Variants in FHOD3 observed in about 807,000 individuals in gnomAD.
FHOD3 encodes the protein FH1/FH2 domain-containing protein 3.
In FHOD3, 90 loss-of-function variants were observed where a neutral mutation model predicts 173.0. The ratio of observed to expected loss-of-function variants is 0.52; its 90% confidence interval spans 0.44 to 0.62. The LOEUF (loss-of-function observed/expected upper bound fraction) is 0.62. Ranked by LOEUF, FHOD3 falls within the 20% of genes least tolerant of loss-of-function variation. The pLI is 0.00. For missense variants in FHOD3, 1,945 were observed against 2,034.7 expected (o/e 0.96, Z 0.85); for synonymous variants, 828 against 823.0 (o/e 1.01, Z -0.10).
intron 3 of FHOD3, among the ~76,000 whole-genome samples, chr18:36,402,163 C>T (rs1329991438): frequency 6.6e-6 from 1 of 152,194 alleles, no homozygotes; most frequent in African/African-American, 2.4e-5. Flanking sequence ...AGTACTGAGT[C>T]GGCTGGGCGT....
intron 24 of FHOD3, among the ~76,000 whole-genome samples, chr18:36,753,870 A>C (rs1261104347): frequency 2.0e-5 from 3 of 152,144 alleles, no homozygotes; most frequent in Non-Finnish European, 4.4e-5. Flanking sequence ...TGTCTATTCA[A>C]ATCCTTTGTC....
chr18:36,507,277 T>C (rs1485085431), intron 4 of FHOD3, among the ~76,000 whole-genome samples: 1 of 152,266 alleles, frequency 6.6e-6, no homozygotes, highest in Admixed American at 6.5e-5. Flanking sequence ...ACACAAACTT[T>C]GTTTCTAGCA....
chr18:36,580,181 A>G (rs2058795943), intron 6 of FHOD3, among the ~76,000 whole-genome samples: 1 of 152,222 alleles, frequency 6.6e-6, no homozygotes, highest in African/African-American at 2.4e-5. Context: ...CCCATCCTAC[A>G]CGGTGCACTC....
chr18:36,469,182 C>T (rs1052171800), intron 3 of FHOD3, among the ~76,000 whole-genome samples: 6 of 152,146 alleles, frequency 3.9e-5, no homozygotes, highest in Admixed American at 6.5e-5. Context: ...ACCCCAGCCC[C>T]CATCCTATCA....
chr18:36,523,870 A>T (rs916469354), intron 5 of FHOD3, among the ~76,000 whole-genome samples: 1 of 152,212 alleles, frequency 6.6e-6, no homozygotes, highest in Admixed American at 6.5e-5. Context: ...TAGGATTCCC[A>T]GGCTGTTACC....
chr18:36,431,041 A>G (rs1209922204), intron 3 of FHOD3, among the ~76,000 whole-genome samples: 1 of 152,358 alleles, frequency 6.6e-6, no homozygotes, highest in Non-Finnish European at 1.5e-5. Flanking sequence ...AATAATTGAT[A>G]TGTTATATAT....
At chr18:36,629,870 C>A (rs1030770477) in intron 10 of FHOD3, among the ~76,000 whole-genome samples, 1 of 152,016 alleles carries the variant, frequency 6.6e-6, no homozygotes, top group Non-Finnish European at 1.5e-5. Flanking sequence ...GGTGATTTTG[C>A]CACCTAGGAG....
chr18:36,548,682 A>G (rs1429482684), intron 5 of FHOD3, among the ~76,000 whole-genome samples: 1 of 152,214 alleles, frequency 6.6e-6, no homozygotes, highest in Non-Finnish European at 1.5e-5. Flanking sequence ...GAATTGGATC[A>G]TACAGTACAT....
chr18:36,770,983 T>C lies in FHOD3; in HGVS notation c.4786+1557T>C, dbSNP rs1014453966. On this transcript the variant is annotated intron_variant, in intron 28 of 28. Coordinates refer to ENST00000590592, the MANE Select transcript of FHOD3 (RefSeq NM_001281740.3). ...ACTGGCTTGTACATCTTCAAGAATATGTTTGTAGATTCCAACATCAATATC... is the reference window on the plus strand; with the variant it reads ...ACTGGCTTGTACATCTTCAAGAATACGTTTGTAGATTCCAACATCAATATC... Among the ~76,000 whole-genome samples, 5 of 152,194 alleles carry C rather than the reference T, an allele frequency of 3.3e-5. No homozygotes were observed. The South Asian group carries it at 8.3e-4, about 25-fold the overall frequency.
intron 5 of FHOD3, among the ~76,000 whole-genome samples, chr18:36,537,759 T>G (rs961443347): frequency 3.9e-5 from 6 of 152,116 alleles, no homozygotes; most frequent in Non-Finnish European, 8.8e-5. Context: ...AGCATAAGAC[T>G]TTAACACTCT....
chr18:36,770,598 G>A (rs2043334567), intron 28 of FHOD3, among the ~76,000 whole-genome samples: 1 of 152,190 alleles, frequency 6.6e-6, no homozygotes, highest in Non-Finnish European at 1.5e-5. Context: ...ATGGGATGAG[G>A]AGCAGGGAAT....
chr18:36,757,644 G>A (rs980918066), intron 25 of FHOD3, among the ~76,000 whole-genome samples: 9 of 152,202 alleles, frequency 5.9e-5, no homozygotes, highest in Admixed American at 5.9e-4. Flanking sequence ...GTAACATTTA[G>A]AGATGAGAGG....
intron 8 of FHOD3, among the ~76,000 whole-genome samples, chr18:36,609,184 G>C (rs1353764657): frequency 6.6e-6 from 1 of 152,246 alleles, no homozygotes. Context: ...GGCACCTTTA[G>C]TGTCTGAGGG....
At chr18:36,678,545 AAAAGAAGAAAG>A in intron 14 of FHOD3, among the ~76,000 whole-genome samples, 3 of 147,304 alleles carry the variant, frequency 2.0e-5, no homozygotes, top group African/African-American at 7.4e-5. Flanking sequence ...AAAAAAAAAA[AAAAGAAGAAAG>A]AAAGAAAGAA....
intron 9 of FHOD3, among the ~76,000 whole-genome samples, chr18:36,613,943 G>A (rs1482473762): frequency 6.6e-6 from 1 of 152,150 alleles, no homozygotes; most frequent in East Asian, 1.9e-4. Flanking sequence ...AAAGTGCTGG[G>A]ATTACAAGTG....
At chr18:36,439,699 G>T (rs1271096867) in intron 3 of FHOD3, among the ~76,000 whole-genome samples, 1 of 152,076 alleles carries the variant, frequency 6.6e-6, no homozygotes, top group Non-Finnish European at 1.5e-5. Context: ...CAAGAACCAG[G>T]GGAGTGGGCA....
At chr18:36,556,967 T>G (rs1056650955) in intron 5 of FHOD3, among the ~76,000 whole-genome samples, 1 of 152,222 alleles carries the variant, frequency 6.6e-6, no homozygotes, top group Admixed American at 6.5e-5. Flanking sequence ...ACAGGTTTTT[T>G]CTCCAGCGCT....
chr18:36,385,183 G>A (rs563516725), intron 3 of FHOD3, among the ~76,000 whole-genome samples: 13 of 152,098 alleles, frequency 8.5e-5, no homozygotes, highest in African/African-American at 1.9e-4. Flanking sequence ...ACCAAGTAAC[G>A]CCCAATTAAT....
chr18:36,353,268 AC>A (rs1284503471), intron 1 of FHOD3, among the ~76,000 whole-genome samples: 1 of 152,224 alleles, frequency 6.6e-6, no homozygotes, highest in Admixed American at 6.5e-5. Flanking sequence ...AATAGGATTA[AC>A]CCCTTCAAAT....
Sources: allele counts gnomAD v4.1 joint callset (sites outside exome capture counted in the v4.1 genomes callset), GRCh38; gene constraint gnomAD v4.1.1; transcripts MANE v1.5; gene names NCBI Gene and HGNC (gene_info 2026-07-23, HGNC 2026-07-21).